Variants in CFAP44 observed in about 807,000 individuals in gnomAD.
CFAP44 encodes cilia- and flagella-associated protein 44.
Under a neutral mutation model 216.2 loss-of-function variants are expected in CFAP44, and 134 were observed. The ratio of observed to expected loss-of-function variants is 0.62; its 90% CI spans 0.54 to 0.72. The LOEUF is 0.72. CFAP44 is among the 30% of genes least tolerant of loss of function. The pLI, the probability that CFAP44 is intolerant of heterozygous loss-of-function variation, is 0.00. For missense variants in CFAP44, 2,035 were observed against 2,182.1 expected, an observed-to-expected ratio of 0.93 and a Z score of 1.34; for synonymous variants, 700 against 727.6, an observed-to-expected ratio of 0.96 and a Z score of 0.61.
chr3:113,363,568 A>G (rs1576571389), intron 19 of CFAP44, 36 bp from the exon 20 acceptor site: 11 of 1,524,610 alleles, frequency 7.2e-6, no homozygotes, highest in Non-Finnish European at 9.7e-6. Context: ...GCCCTTTAAA[A>G]TTGCATAGCA....
chr3:113,420,666 C>A (rs572368142), intron 4 of CFAP44, among the ~76,000 whole-genome samples: 1 of 152,146 alleles, frequency 6.6e-6, no homozygotes, highest in South Asian at 2.1e-4. Flanking sequence ...TGTTGACTAA[C>A]CACAGTAAAA....
intron 5 of CFAP44, among the ~76,000 whole-genome samples, chr3:113,419,294 T>C (rs1205523295): frequency 3.3e-5 from 5 of 151,460 alleles, no homozygotes; most frequent in African/African-American, 7.3e-5. Context: ...GTGTGTCTAG[T>C]TTTTTTTTCT....
At chr3:113,374,243 T>C (rs1255429681) in intron 17 of CFAP44, among the ~76,000 whole-genome samples, 1 of 151,906 alleles carries the variant, frequency 6.6e-6, no homozygotes, top group Non-Finnish European at 1.5e-5. Flanking sequence ...GAACAAATTT[T>C]GTAAATGTGT....
chr3:113,287,213 G>A lies in CFAP44; in HGVS notation c.*4344C>T. The A allele has an allele frequency of 2.6e-6, 1 of 380,236 alleles. No homozygotes were observed. The highest frequency in any genetic ancestry group is 5.1e-6 in the Non-Finnish European group (1 of 197,216). The allele number at this position is 380,236 out of a possible 1,614,324, so 23.6% of individuals were successfully genotyped here. A position where few individuals can be genotyped will look rare whatever the true frequency, so the allele number is the denominator to read the frequency against. ...CAAGAGGAAGGATCCCAGGCACATG[G>A]TTCATCACGAGCATGAGGGAACAGC... On this transcript the variant is annotated 3_prime_UTR_variant, in exon 35 of 35. Coordinates refer to ENST00000393845, the MANE Select transcript of CFAP44 (RefSeq NM_001164496.2).
intron 22 of CFAP44, among the ~76,000 whole-genome samples, chr3:113,354,933 T>A (rs557932035): frequency 6.6e-6 from 1 of 152,206 alleles, no homozygotes; most frequent in South Asian, 2.1e-4. Flanking sequence ...AGAGTCCACT[T>A]CACTCCCCTG....
At chr3:113,308,302 G>A in intron 28 of CFAP44, 34 bp from the exon 29 acceptor site, 2 of 1,457,388 alleles carry the variant, frequency 1.4e-6, no homozygotes, top group Non-Finnish European at 1.8e-6. Flanking sequence ...TAACAAAGAA[G>A]CTTCTATATT....
chr3:113,342,615 T>A (rs1425938362), intron 23 of CFAP44, among the ~76,000 whole-genome samples: 3 of 152,082 alleles, frequency 2.0e-5, no homozygotes, highest in Non-Finnish European at 4.4e-5. Flanking sequence ...ACATACAATT[T>A]GAGGTTGCAC....
chr3:113,340,218 T>C (rs985820461), intron 24 of CFAP44, among the ~76,000 whole-genome samples: 2 of 152,202 alleles, frequency 1.3e-5, no homozygotes, highest in Non-Finnish European at 2.9e-5. Flanking sequence ...ATGGCATCTC[T>C]AGGAACAGTT....
rs987363967 is a variant in CFAP44 at position 113,344,725 on chromosome 3, A to G, written c.3066-13T>C. ...TGGATCTCGAAATCTGAAAAAATAAAACAAGTATTTGCAGTAGTCACCATT... is the reference window on the plus strand; with the variant it reads ...TGGATCTCGAAATCTGAAAAAATAAGACAAGTATTTGCAGTAGTCACCATT... On this transcript the variant is annotated splice_polypyrimidine_tract_variant and intron_variant, in intron 22 of 34. Coordinates refer to ENST00000393845, the MANE Select transcript of CFAP44 (RefSeq NM_001164496.2). The G allele has an allele frequency of 1.3e-6, 2 of 1,492,864 alleles. No homozygotes were observed. The highest frequency in any genetic ancestry group is 2.8e-5 in the African/African-American group (2 of 70,490). The allele number at this position is 1,492,864 out of a possible 1,614,324, so 92.5% of individuals were successfully genotyped here. A position where few individuals can be genotyped will look rare whatever the true frequency, so the allele number is the denominator to read the frequency against.
Position 113,330,357 on chromosome 3 carries a change from G to C in CFAP44, c.3927C>G (p.Leu1309=). 2 of 1,537,262 alleles carry C rather than the reference G, an allele frequency of 1.3e-6. No individual in the cohort carries two copies. The highest frequency in any genetic ancestry group is 1.7e-6 in the Non-Finnish European group (2 of 1,146,902). Residue 1309 remains leucine, a synonymous_variant, in exon 26 of 35, where the codon CTC becomes CTG. Coordinates refer to ENST00000393845, the MANE Select transcript of CFAP44 (RefSeq NM_001164496.2). The part of the protein sequence containing the change: ...SGGPVGGFLK[L]SSRKDGDLTT... ...TCAAATCCCCATCCTTTCTAGAAGA[G>C]AGTTTGAGGAATCCTCCAACTGGGC...
Position 113,330,634 on chromosome 3 carries a change from A to C in CFAP44, c.3650T>G (p.Ile1217Ser). ...CACTTTAAGGTCTCTAAGAGAGAGA[A>C]TGCACTTGTTCATGTGCCTTTTATT... ...HGNKRHMNKC[I>S]LSLRDLKVAV... is the part of the protein sequence containing the mutation. The change falls in exon 26 of 35, where the codon ATT becomes AGT. Residue 1217 changes from isoleucine (I) to serine (S), a missense_variant. Coordinates refer to ENST00000393845, the MANE Select transcript of CFAP44 (RefSeq NM_001164496.2). 1 of 1,536,104 alleles carries C rather than the reference A, an allele frequency of 6.5e-7. No homozygotes were observed. Among genetic ancestry groups the C allele is most frequent in the East Asian group, 2.4e-5 (1 of 40,908 alleles).
chr3:113,413,921 A>G (rs1367731158), intron 6 of CFAP44, among the ~76,000 whole-genome samples: 1 of 152,208 alleles, frequency 6.6e-6, no homozygotes, highest in Non-Finnish European at 1.5e-5. Context: ...TTTGATGGGA[A>G]TAGCATTGAA....
chr3:113,396,163 C>T (rs1933984888), intron 14 of CFAP44, among the ~76,000 whole-genome samples: 1 of 152,132 alleles, frequency 6.6e-6, no homozygotes, highest in South Asian at 2.1e-4. Context: ...CACAGTTATT[C>T]TCTTCATTTA....
At chr3:113,316,166 T>A (rs892440290) in intron 28 of CFAP44, among the ~76,000 whole-genome samples, 1 of 152,056 alleles carries the variant, frequency 6.6e-6, no homozygotes, top group Non-Finnish European at 1.5e-5. Flanking sequence ...TCCAAAACAC[T>A]TTAAACTAAA....
intron 29 of CFAP44, among the ~76,000 whole-genome samples, chr3:113,307,055 A>T (rs1949992097): frequency 6.6e-6 from 1 of 152,212 alleles, no homozygotes; most frequent in African/African-American, 2.4e-5. Flanking sequence ...AGATCCCAAA[A>T]CTTGTTTTTT....
At chr3:113,379,688 C>T (rs774372015) in intron 16 of CFAP44, 137 bp from the exon 17 acceptor site, 26 of 613,706 alleles carry the variant, frequency 4.2e-5, no homozygotes, top group African/African-American at 9.5e-5. Context: ...CTCACCAATG[C>T]GAGAATATAT....
At chr3:113,336,875 T>C (rs948553524) in intron 24 of CFAP44, among the ~76,000 whole-genome samples, 16 of 151,874 alleles carry the variant, frequency 1.1e-4, no homozygotes, top group African/African-American at 3.9e-4. Context: ...GAAGCAGTTA[T>C]ATTATTTAAC....
At chr3:113,440,573 T>C (rs963387369) in intron 1 of CFAP44, among the ~76,000 whole-genome samples, 4 of 152,194 alleles carry the variant, frequency 2.6e-5, no homozygotes, top group Non-Finnish European at 1.5e-5. Flanking sequence ...CCCTCTGTAG[T>C]TCCAGTCCTC....
intron 28 of CFAP44, among the ~76,000 whole-genome samples, chr3:113,325,176 C>A (rs1950178349): frequency 1.3e-5 from 2 of 151,312 alleles, no homozygotes; most frequent in Non-Finnish European, 2.9e-5. Flanking sequence ...GTGGTGGGAG[C>A]CTATAATCCC....
Sources: gnomAD v4.1 joint callset for allele counts (sites outside exome capture counted in the v4.1 genomes callset) on GRCh38, gnomAD v4.1.1 for gene constraint, MANE v1.5 for transcripts, NCBI Gene and HGNC (gene_info 2026-07-23, HGNC 2026-07-21) for gene names.